The following PDE4D variants were observed in gnomAD, a reference collection of about 807,000 sequenced individuals.
PDE4D encodes phosphodiesterase 4D.
A neutral mutation model predicts 87.4 loss-of-function variants in PDE4D; 24 were observed. The observed-to-expected ratio is 0.27, with a 90% confidence interval of 0.20 to 0.39. The LOEUF (loss-of-function observed/expected upper bound fraction) is 0.39. Ranked by LOEUF, PDE4D falls within the 10% of genes least tolerant of loss-of-function variation. The pLI is 1.00. For missense variants in PDE4D, 714 were observed against 1,041.0 expected (o/e 0.69, Z 4.32); for synonymous variants, 384 against 383.2 (o/e 1.00, Z -0.02).
At chr5:60,096,540 C>T (rs140333758) in intron 2 of PDE4D, among the ~76,000 whole-genome samples, 11 of 152,114 alleles carry the variant, frequency 7.2e-5, no homozygotes, top group Admixed American at 5.9e-4. Flanking sequence ...CTGAAGTTCA[C>T]GATACATTAA....
At chr5:59,539,314 G>A (rs975674029) in intron 1 of PDE4D, among the ~76,000 whole-genome samples, 1 of 152,096 alleles carries the variant, frequency 6.6e-6, no homozygotes, top group Admixed American at 6.6e-5. Context: ...AAGAACTGGA[G>A]GGTAGTGCAT....
Position 59,603,062 on chromosome 5 carries a change from A to C in PDE4D, c.455+290106T>G, listed in dbSNP as rs183534885. The stretch of plus-strand genomic sequence containing the variant: ...ATAGTGGATGAAAGACATAAATGTA[A>C]GAATAGGGGAAAAGCTATATGACAC... On this transcript the variant is annotated intron_variant, in intron 1 of 14. Transcript: ENST00000340635. 3.3e-5 allele frequency among the ~76,000 whole-genome samples: 5 copies of C among 152,138 alleles called. No individual in the cohort carries two copies. In the East Asian group the frequency reaches 9.7e-4, roughly 29 times the overall value.
chr5:60,350,573 G>A (rs115308390), intron 1 of PDE4D, among the ~76,000 whole-genome samples: 13 of 152,234 alleles, frequency 8.5e-5, no homozygotes, highest in Middle Eastern at 6.8e-3. Context: ...TCAGAAATGC[G>A]TCGATGGTTG....
intron 1 of PDE4D, among the ~76,000 whole-genome samples, chr5:59,856,227 C>T (rs1486177086): frequency 6.6e-6 from 1 of 152,084 alleles, no homozygotes; most frequent in Admixed American, 6.6e-5. Context: ...TGGTATTTCT[C>T]TTTTGGCATT....
intron 3 of PDE4D, among the ~76,000 whole-genome samples, chr5:59,941,779 C>T (rs941482752): frequency 5.9e-5 from 9 of 152,188 alleles, no homozygotes; most frequent in African/African-American, 2.2e-4. Context: ...TTTATCTCTC[C>T]TGGTGTGGAA....
chr5:60,443,311 G>A (rs1262858543), intron 1 of PDE4D, among the ~76,000 whole-genome samples: 2 of 152,122 alleles, frequency 1.3e-5, no homozygotes, highest in East Asian at 1.9e-4. Flanking sequence ...AAAAGTGAAC[G>A]TTAAGGTATT....
chr5:60,047,377 C>G (rs1010982527), intron 2 of PDE4D, among the ~76,000 whole-genome samples: 1 of 152,060 alleles, frequency 6.6e-6, no homozygotes, highest in Non-Finnish European at 1.5e-5. Context: ...TTCAGTTCTG[C>G]TCTGATTTTA....
chr5:59,143,096 G>C (rs1778141541), intron 5 of PDE4D, among the ~76,000 whole-genome samples: 1 of 150,852 alleles, frequency 6.6e-6, no homozygotes, highest in South Asian at 2.1e-4. Flanking sequence ...TTCCTTTACT[G>C]TTTCCTTCTT....
chr5:60,170,321 G>A (rs1783301277), intron 2 of PDE4D, among the ~76,000 whole-genome samples: 1 of 151,924 alleles, frequency 6.6e-6, no homozygotes, highest in East Asian at 1.9e-4. Context: ...GTAATGGCTA[G>A]CAACTGATAG....
intron 2 of PDE4D, among the ~76,000 whole-genome samples, chr5:60,080,607 T>C (rs949269052): frequency 2.0e-5 from 3 of 152,204 alleles, no homozygotes; most frequent in African/African-American, 7.2e-5. Context: ...TTGAATTTTA[T>C]TAAAGCCTTT....
chr5:59,155,396 TAAG>T (rs1034961503), intron 5 of PDE4D, among the ~76,000 whole-genome samples: 2 of 152,124 alleles, frequency 1.3e-5, no homozygotes, highest in East Asian at 1.9e-4. Context: ...AGAAAGAGTT[TAAG>T]AAGAAGAAGC....
At chr5:59,031,707 CAAAAAAAAAAA>C (rs70973183) in intron 6 of PDE4D, among the ~76,000 whole-genome samples, 25 of 16,684 alleles carry the variant, frequency 1.5e-3, no homozygotes, top group Admixed American at 0.011. Context: ...GACTCCACCT[CAAAAAAAAAAA>C]AAAAAAAAAA....
chr5:59,758,379 G>A (rs1461537599), intron 1 of PDE4D, among the ~76,000 whole-genome samples: 3 of 152,146 alleles, frequency 2.0e-5, no homozygotes, highest in African/African-American at 4.8e-5. Flanking sequence ...ATATTATTAT[G>A]AACCTAAGTG....
At chr5:60,151,186 A>C (rs1781469185) in intron 2 of PDE4D, among the ~76,000 whole-genome samples, 1 of 152,204 alleles carries the variant, frequency 6.6e-6, no homozygotes, top group Non-Finnish European at 1.5e-5. Context: ...AATTAAACAT[A>C]GAGTAAACAA....
rs1554183821 is a variant in PDE4D at position 60,197,081 on chromosome 5, A to ATAGACAGACAGT, written c.-89-11395_-89-11394insACTGTCTGTCTA. 2.1e-3 allele frequency among the ~76,000 whole-genome samples: 262 copies of ATAGACAGACAGT among 126,840 alleles called. 6 individuals carry two copies. The highest frequency in any genetic ancestry group is 2.8e-3 in the South Asian group (11 of 3,888). The allele number at this position is 126,840 out of a possible 152,430, so 83.2% of individuals were successfully genotyped here. On this transcript the variant is annotated intron_variant, in intron 1 of 16. Transcript: ENST00000502484. The stretch of plus-strand genomic sequence containing the variant: ...GATAGATAGATAGATAGACAGTTAG[A>ATAGACAGACAGT]TAGATAGATAGATAGATAGATAGAT...
chr5:59,350,527 T>A (rs6450516), intron 1 of PDE4D, among the ~76,000 whole-genome samples: 10,049 of 152,182 alleles, frequency 0.066, 917 homozygotes, highest in African/African-American at 0.2. Context: ...AAGCAGAGTA[T>A]CCTCACACTT....
At chr5:59,116,296 G>C (rs1470348630) in intron 5 of PDE4D, among the ~76,000 whole-genome samples, 2 of 152,036 alleles carry the variant, frequency 1.3e-5, no homozygotes, top group Non-Finnish European at 2.9e-5. Context: ...TCATCCCTTG[G>C]ATTGTTTTCT....
chr5:60,186,140 T>C (rs1323615320), intron 1 of PDE4D, among the ~76,000 whole-genome samples: 1 of 152,154 alleles, frequency 6.6e-6, no homozygotes, highest in Non-Finnish European at 1.5e-5. Flanking sequence ...AACTGCATCA[T>C]TGCGTCTTGT....
chr5:59,552,762 T>G (rs989206420), intron 1 of PDE4D, among the ~76,000 whole-genome samples: 1 of 152,212 alleles, frequency 6.6e-6, no homozygotes, highest in African/African-American at 2.4e-5. Context: ...ATTAACTATA[T>G]GTACATTTAC....
Sources: gnomAD v4.1 joint callset for allele counts (sites outside exome capture counted in the v4.1 genomes callset) on GRCh38, gnomAD v4.1.1 for gene constraint, MANE v1.5 for transcripts, NCBI Gene and HGNC (gene_info 2026-07-23, HGNC 2026-07-21) for gene names.